The following KCNJ6 variants were observed in gnomAD, a reference collection of about 807,000 sequenced individuals.
KCNJ6 encodes the protein potassium inwardly rectifying channel subfamily J member 6, also known as G protein-activated inward rectifier potassium channel 2.
A neutral mutation model predicts 34.2 loss-of-function variants in KCNJ6; 9 were observed. The ratio of observed to expected loss-of-function variants is 0.26; its 90% CI spans 0.16 to 0.46. The LOEUF (loss-of-function observed/expected upper bound fraction) is 0.46. Among genes scored for constraint, KCNJ6 ranks in the 20% least tolerant of loss-of-function variants. KCNJ6 has a pLI of 1.00. For synonymous variants in KCNJ6, 196 were observed against 207.1 expected (o/e 0.95, Z 0.46); for missense variants, 236 against 531.3 (o/e 0.44, Z 5.46).
intron 1 of KCNJ6, among the ~76,000 whole-genome samples, chr21:37,857,798 T>C (rs1484726687): frequency 2.6e-5 from 4 of 152,026 alleles, no homozygotes; most frequent in Non-Finnish European, 5.9e-5. Flanking sequence ...AACAATGACC[T>C]AGAAAAGTAA....
intron 2 of KCNJ6, among the ~76,000 whole-genome samples, chr21:37,779,332 A>G (rs2055158067): frequency 6.6e-6 from 1 of 152,126 alleles, no homozygotes; most frequent in African/African-American, 2.4e-5. Context: ...GCAGCTCTGT[A>G]GTTCATACTC....
chr21:37,881,490 AG>A, intron 1 of KCNJ6, among the ~76,000 whole-genome samples: 1 of 151,942 alleles, frequency 6.6e-6, no homozygotes, highest in Non-Finnish European at 1.5e-5. Context: ...AGAGAGAGAG[AG>A]AGAAAGTGCT....
intron 2 of KCNJ6, among the ~76,000 whole-genome samples, chr21:37,718,654 C>T (rs551554681): frequency 3.4e-4 from 50 of 148,372 alleles, no homozygotes; most frequent in African/African-American, 1.0e-3. Flanking sequence ...CATCACACAC[C>T]GGTGCCTGTT....
intron 1 of KCNJ6, among the ~76,000 whole-genome samples, chr21:37,878,557 A>G (rs2055690576): frequency 6.6e-6 from 1 of 152,236 alleles, no homozygotes; most frequent in Non-Finnish European, 1.5e-5. Context: ...GCCCTATGGC[A>G]AGAAACCAGG....
intron 1 of KCNJ6, among the ~76,000 whole-genome samples, chr21:37,894,124 A>T (rs547217492): frequency 6.6e-6 from 1 of 152,346 alleles, no homozygotes; most frequent in African/African-American, 2.4e-5. Flanking sequence ...TAGCAAGCTT[A>T]GTTCTAGAAG....
intron 3 of KCNJ6, among the ~76,000 whole-genome samples, chr21:37,677,633 TA>T (rs1247681607): frequency 6.6e-6 from 1 of 152,096 alleles, no homozygotes; most frequent in African/African-American, 2.4e-5. Context: ...AAGTATGTGT[TA>T]AAATTATTTT....
At chr21:37,664,928 T>G (rs2054507043) in intron 3 of KCNJ6, among the ~76,000 whole-genome samples, 1 of 151,068 alleles carries the variant, frequency 6.6e-6, no homozygotes, top group African/African-American at 2.4e-5. Context: ...CCCGAGTAAC[T>G]GGAACTACAG....
At chr21:37,910,356 G>A (rs1213324679) in intron 1 of KCNJ6, among the ~76,000 whole-genome samples, 1 of 152,146 alleles carries the variant, frequency 6.6e-6, no homozygotes, top group East Asian at 1.9e-4. Flanking sequence ...CCTGCTAGAT[G>A]ATACAAGAGA....
intron 2 of KCNJ6, among the ~76,000 whole-genome samples, chr21:37,824,147 A>C (rs568050060): frequency 7.2e-4 from 109 of 152,356 alleles, no homozygotes; most frequent in Non-Finnish European, 1.2e-3. Flanking sequence ...AGTTCTTGAC[A>C]CAAAAAATGC....
chr21:37,771,986 T>A (rs930029670), intron 2 of KCNJ6, among the ~76,000 whole-genome samples: 7 of 152,224 alleles, frequency 4.6e-5, no homozygotes, highest in African/African-American at 1.7e-4. Flanking sequence ...TTTCCCCTTC[T>A]GGGGACTGCA....
chr21:37,666,586 C>T (rs2054514627), intron 3 of KCNJ6, among the ~76,000 whole-genome samples: 1 of 152,160 alleles, frequency 6.6e-6, no homozygotes, highest in Non-Finnish European at 1.5e-5. Context: ...AGTGCCTCTG[C>T]CTGGCCACTG....
In KCNJ6 at chr21:37,769,696, A is replaced by G. The variant is rs116627819; in HGVS notation, c.26-54565T>C. 2.6e-3 allele frequency among the ~76,000 whole-genome samples: 388 copies of G among 152,154 alleles called. 1 individual carries two copies. Among genetic ancestry groups the G allele is most frequent in the African/African-American group, 9.0e-3 (374 of 41,508 alleles). ...GAATGGGGGCTGCTATGGTTTGAAT[A>G]TGTCCTCTCAAAAACTTAGGTGTTG... On this transcript the variant is annotated intron_variant, in intron 2 of 3. Coordinates refer to ENST00000609713, the MANE Select transcript of KCNJ6 (RefSeq NM_002240.5).
intron 2 of KCNJ6, among the ~76,000 whole-genome samples, chr21:37,806,834 A>G (rs2055295816): frequency 6.6e-6 from 1 of 152,258 alleles, no homozygotes; most frequent in South Asian, 2.1e-4. Context: ...GAAACATAAA[A>G]ATAACTAAAC....
chr21:37,778,891 G>T (rs532054290), intron 2 of KCNJ6, among the ~76,000 whole-genome samples: 1 of 151,280 alleles, frequency 6.6e-6, no homozygotes, highest in Non-Finnish European at 1.5e-5. Context: ...CCATCCACAC[G>T]CAGCCCTTTT....
At chr21:37,717,113 T>A (rs2054796146) in intron 2 of KCNJ6, 1 of 154,234 alleles carries the variant, frequency 6.5e-6, no homozygotes, top group Non-Finnish European at 1.5e-5. Context: ...TCTGTTTTTG[T>A]GTTTCAGCCT....
At chr21:37,625,940 T>G (rs1209245921) in intron 3 of KCNJ6, among the ~76,000 whole-genome samples, 2 of 152,120 alleles carry the variant, frequency 1.3e-5, no homozygotes, top group East Asian at 3.9e-4. Context: ...GGAACTACAC[T>G]TAGGCTGCTT....
intron 3 of KCNJ6, among the ~76,000 whole-genome samples, chr21:37,648,082 C>T (rs747835904): frequency 6.8e-4 from 103 of 152,274 alleles, no homozygotes; most frequent in Non-Finnish European, 1.1e-3. Context: ...AGCTGGGCTG[C>T]TGCTACCACT....
At chr21:37,863,590 T>C (rs1253174041) in intron 1 of KCNJ6, among the ~76,000 whole-genome samples, 1 of 152,242 alleles carries the variant, frequency 6.6e-6, no homozygotes, top group Non-Finnish European at 1.5e-5. Context: ...ACAATCGTTT[T>C]TGTGCATCAG....
chr21:37,778,706 T>C (rs966805479), intron 2 of KCNJ6, among the ~76,000 whole-genome samples: 15 of 150,644 alleles, frequency 1.0e-4, no homozygotes, highest in Admixed American at 9.0e-4. Context: ...CGTGTGTGTG[T>C]GTGTGTGTGT....
Sources: allele counts gnomAD v4.1 joint callset (sites outside exome capture counted in the v4.1 genomes callset), GRCh38; gene constraint gnomAD v4.1.1; transcripts MANE v1.5; gene names NCBI Gene and HGNC (gene_info 2026-07-23, HGNC 2026-07-21).